The following RORB variants were observed in gnomAD, a reference collection of about 807,000 sequenced individuals.
RORB encodes RAR related orphan receptor B, also known as nuclear receptor ROR-beta.
A neutral mutation model predicts 59.1 loss-of-function variants in RORB; 6 were observed. That is an observed-to-expected ratio of 0.10 (90% CI 0.06 to 0.20). The LOEUF (loss-of-function observed/expected upper bound fraction) is 0.20. Among genes scored for constraint, RORB ranks in the 10% least tolerant of loss-of-function variants. The pLI is 1.00. For synonymous variants in RORB, 215 were observed against 204.5 expected, an observed-to-expected ratio of 1.05 and a Z score of -0.44; for missense variants, 320 against 560.5, an observed-to-expected ratio of 0.57 and a Z score of 4.33.
chr9:74,642,356 G>C, intron 3 of RORB, 58 bp from the exon 4 acceptor site: 1 of 1,517,242 alleles, frequency 6.6e-7, no homozygotes, highest in Non-Finnish European at 8.9e-7. Flanking sequence ...TTGTACCTGA[G>C]GTGGTTAACG....
intron 9 of RORB, among the ~76,000 whole-genome samples, chr9:74,684,568 C>A (rs765463210): frequency 6.6e-6 from 1 of 151,762 alleles, no homozygotes; most frequent in Non-Finnish European, 1.5e-5. Flanking sequence ...TTGTTCATCT[C>A]CTAAGACCCA....
At chr9:74,645,517 G>T (rs1563962817) in intron 4 of RORB, among the ~76,000 whole-genome samples, 1 of 152,052 alleles carries the variant, frequency 6.6e-6, no homozygotes, top group African/African-American at 2.4e-5. Flanking sequence ...GTCTTTATCT[G>T]TGTGTGTGGA....
intron 8 of RORB, among the ~76,000 whole-genome samples, chr9:74,670,833 T>G (rs959475106): frequency 6.6e-6 from 1 of 152,194 alleles, no homozygotes; most frequent in African/African-American, 2.4e-5. Flanking sequence ...TGAAAGCTTT[T>G]GTACTCACTT....
chr9:74,624,388 A>C (rs948515671), intron 1 of RORB, among the ~76,000 whole-genome samples: 3 of 152,216 alleles, frequency 2.0e-5, no homozygotes, highest in Non-Finnish European at 4.4e-5. Flanking sequence ...GCTGATGTTG[A>C]GATGCACTCT....
At chr9:74,500,325 C>A (rs960656609) in intron 1 of RORB, among the ~76,000 whole-genome samples, 1 of 152,134 alleles carries the variant, frequency 6.6e-6, no homozygotes, top group South Asian at 2.1e-4. Context: ...AGTGCCCTAC[C>A]ACAGTATGAG....
At chr9:74,626,033 G>A (rs1400793817) in intron 1 of RORB, among the ~76,000 whole-genome samples, 2 of 152,282 alleles carry the variant, frequency 1.3e-5, no homozygotes, top group South Asian at 2.1e-4. Context: ...GCTGTTACTA[G>A]CGGAGGTTCT....
At chr9:74,614,549 C>T (rs1823279726) in intron 1 of RORB, among the ~76,000 whole-genome samples, 1 of 151,472 alleles carries the variant, frequency 6.6e-6, no homozygotes, top group African/African-American at 2.4e-5. Context: ...ATACATGTGT[C>T]CTAGAACATC....
intron 3 of RORB, among the ~76,000 whole-genome samples, chr9:74,639,030 G>A (rs1823750205): frequency 6.6e-6 from 1 of 152,224 alleles, no homozygotes; most frequent in African/African-American, 2.4e-5. Flanking sequence ...CCATGGCAGA[G>A]GTCTTGGCAG....
chr9:74,669,977 A>ATATTTGATAAATTT (rs1824323151), intron 8 of RORB, among the ~76,000 whole-genome samples: 1 of 152,042 alleles, frequency 6.6e-6, no homozygotes, highest in African/African-American at 2.4e-5. Context: ...TTATTTAACC[A>ATATTTGATAAATTT]CTTTATCAAA....
At chr9:74,591,403 G>A (rs889358791) in intron 1 of RORB, among the ~76,000 whole-genome samples, 2 of 152,146 alleles carry the variant, frequency 1.3e-5, no homozygotes, top group Non-Finnish European at 2.9e-5. Flanking sequence ...TTTTTAAGAT[G>A]CAGTCCCTTA....
At chr9:74,593,433 T>G (rs1208123585) in intron 1 of RORB, among the ~76,000 whole-genome samples, 1 of 137,612 alleles carries the variant, frequency 7.3e-6, no homozygotes, top group Middle Eastern at 4.2e-3. Flanking sequence ...ACCGTTGCAC[T>G]CCAGCCTGGG....
At chr9:74,520,755 T>C (rs955910549) in intron 1 of RORB, among the ~76,000 whole-genome samples, 6 of 151,818 alleles carry the variant, frequency 4.0e-5, no homozygotes, top group African/African-American at 1.2e-4. Flanking sequence ...TTTCTGCACA[T>C]TGTGAACCTG....
intron 1 of RORB, among the ~76,000 whole-genome samples, chr9:74,505,488 T>C (rs1186591998): frequency 1.3e-5 from 2 of 152,006 alleles, no homozygotes; most frequent in African/African-American, 2.4e-5. Context: ...ATTGAATACA[T>C]CCACCCAAAG....
At chr9:74,585,337 G>C (rs770590098) in intron 1 of RORB, among the ~76,000 whole-genome samples, 1 of 152,162 alleles carries the variant, frequency 6.6e-6, no homozygotes, top group South Asian at 2.1e-4. Flanking sequence ...AGGACTGAAA[G>C]AGTAAAAATA....
intron 1 of RORB, among the ~76,000 whole-genome samples, chr9:74,565,518 C>T (rs1822456592): frequency 1.3e-5 from 2 of 152,050 alleles, no homozygotes; most frequent in South Asian, 4.2e-4. Context: ...CATTCTGTAC[C>T]TTAGAGATCA....
At chr9:74,549,996 G>A (rs940784550) in intron 1 of RORB, among the ~76,000 whole-genome samples, 2 of 152,020 alleles carry the variant, frequency 1.3e-5, no homozygotes, top group African/African-American at 2.4e-5. Context: ...TCCCAAAGTA[G>A]GATTACAGGC....
At chr9:74,502,930 A>G (rs1481855815) in intron 1 of RORB, among the ~76,000 whole-genome samples, 2 of 152,040 alleles carry the variant, frequency 1.3e-5, no homozygotes, top group South Asian at 4.1e-4. Flanking sequence ...CTACTTCTGT[A>G]TTTATTCTAC....
chr9:74,577,664 A>G (rs1822658453), intron 1 of RORB, among the ~76,000 whole-genome samples: 1 of 152,092 alleles, frequency 6.6e-6, no homozygotes. Context: ...CAGAGACACC[A>G]AAACCAAATA....
intron 1 of RORB, among the ~76,000 whole-genome samples, chr9:74,613,562 C>T (rs1259607637): frequency 2.0e-5 from 3 of 152,090 alleles, no homozygotes; most frequent in Admixed American, 1.3e-4. Flanking sequence ...GATGCCTTGG[C>T]CCCCCACCAA....
Sources: allele counts gnomAD v4.1 joint callset (sites outside exome capture counted in the v4.1 genomes callset), GRCh38; gene constraint gnomAD v4.1.1; transcripts MANE v1.5; gene names NCBI Gene and HGNC (gene_info 2026-07-23, HGNC 2026-07-21).